The following CEBPZ variants were observed in gnomAD, a reference collection of about 807,000 sequenced individuals.
CEBPZ encodes the protein CCAAT enhancer binding protein zeta.
CEBPZ carries 78 observed loss-of-function variants against 104.5 expected under a neutral mutation model. The ratio of observed to expected loss-of-function variants is 0.75; its 90% CI spans 0.62 to 0.90. The LOEUF is 0.90. Among genes scored for constraint, CEBPZ ranks in the 40% least tolerant of loss-of-function variants. The pLI, the probability that CEBPZ is intolerant of heterozygous loss-of-function variation, is 0.00. For missense variants in CEBPZ, 1,439 were observed against 1,233.5 expected, an observed-to-expected ratio of 1.17 and a Z score of -2.50; for synonymous variants, 470 against 427.0, an observed-to-expected ratio of 1.10 and a Z score of -1.24.
intron 13 of CEBPZ, chr2:37,210,781 A>T (rs1677696185): frequency 2.2e-6 from 1 of 457,112 alleles, no homozygotes; most frequent in South Asian, 3.2e-5. Flanking sequence ...ATGATAACAA[A>T]TTTTTAAAAA....
At chr2:37,204,515 A>ATCTACCTGCCTTGGCC (rs1677459324) in intron 13 of CEBPZ, 1 of 152,024 alleles carries the variant, frequency 6.6e-6, no homozygotes, top group Non-Finnish European at 1.5e-5. Flanking sequence ...TGACCTTGTG[A>ATCTACCTGCCTTGGCC]TCTACCTGCC....
rs780629479 is a variant in CEBPZ, at chr2:37,228,757, C to T, written c.436G>A (p.Glu146Lys). 6.2e-6 allele frequency: 10 copies of T among 1,614,104 alleles called. No individual in the cohort carries two copies. Among genetic ancestry groups the T allele is most frequent in the Non-Finnish European group, 7.6e-6 (9 of 1,180,014 alleles). The change falls in exon 2 of 16, where the codon GAA (glutamate) becomes AAA (lysine). Residue 146 changes from glutamate to lysine, a missense_variant. Physicochemically the swap from Glu to Lys is moderately conservative, Grantham distance 56. Transcript: ENST00000234170. ...CTGCCATTCTCATCAGAATGTGGTT[C>T]TGGCCTATTCTTATTTTTCACCTTA... The part of the protein sequence containing the change: ...VNKVKNKNRP[E>K]PHSDENGSTT...
In CEBPZ at chr2:37,228,664, G is replaced by A; in HGVS notation, c.529C>T (p.Leu177Phe). Reference sequence around the variant, plus strand: ...TCATACCATTTGCCTCCAGGCCTAAGTAACAAAGTCTGTCTCTCAAAAAAT... The same window carrying A: ...TCATACCATTTGCCTCCAGGCCTAAATAACAAAGTCTGTCTCTCAAAAAAT... ...FEFFERQTLL[L>F]RPGGKWYDLE... The change falls in exon 2 of 16, where the codon CTT (leucine) becomes TTT (phenylalanine). Residue 177 changes from leucine (L) to phenylalanine (F), a missense_variant. Coordinates refer to ENST00000234170, the MANE Select transcript of CEBPZ (RefSeq NM_005760.3). 2.5e-6 allele frequency: 4 copies of A among 1,614,142 alleles called. No homozygotes were observed. The highest frequency in any genetic ancestry group is 2.5e-6 in the Non-Finnish European group (3 of 1,180,034).
chr2:37,227,854 G>T lies in CEBPZ; in HGVS notation c.1339C>A (p.Gln447Lys). The stretch of plus-strand genomic sequence containing the variant: ...CTTTCTTCATGGGACAGAGCCATTT[G>T]ATTTAAAAAGCAAATTGCATAATAT... Reference protein sequence around the residue: ...AQYYAICFLNQMALSHEESEL... With the variant: ...AQYYAICFLNKMALSHEESEL... The change falls in exon 2 of 16, where the codon CAA becomes AAA. Residue 447 changes from glutamine (Q) to lysine (K), a missense_variant. Coordinates refer to ENST00000234170, the MANE Select transcript of CEBPZ (RefSeq NM_005760.3). 6.2e-7 allele frequency: 1 copy of T among 1,614,058 alleles called. No homozygotes were observed. Among genetic ancestry groups the T allele is most frequent in the Non-Finnish European group, 8.5e-7 (1 of 1,180,032 alleles).
intron 13 of CEBPZ, 72 bp from the exon 14 acceptor site, chr2:37,203,080 A>T: frequency 9.7e-7 from 1 of 1,026,494 alleles, no homozygotes; most frequent in South Asian, 1.8e-5. Flanking sequence ...ATGCAACATG[A>T]TTTTATTTTA....
rs56340587 is a variant in CEBPZ at position 37,202,644 on chromosome 2, CAAAAAAAAAAAAAAAAAAAAAAAAAAA to C, written c.3025+113_3025+139del. The C allele has an allele frequency of 2.7e-3, 568 of 207,170 alleles. 2 individuals are homozygous for C. The highest frequency in any genetic ancestry group is 4.8e-3 in the South Asian group (109 of 22,772). The allele number at this position is 207,170 out of a possible 1,614,324, so 12.8% of individuals were successfully genotyped here. On this transcript the variant is annotated intron_variant, in intron 15 of 15. Transcript: ENST00000234170. ...TGGGCAAGGGAGTGAGACGCTGTCT[CAAAAAAAAAAAAAAAAAAAAAAAAAAA>C]AAAAAAAAAAAAAAAAAAAAAGAAT...
At chr2:37,229,077 A>G (rs1191736570) in intron 1 of CEBPZ, 41 bp from the exon 2 acceptor site, 31 of 1,378,010 alleles carry the variant, frequency 2.2e-5, no homozygotes, top group Non-Finnish European at 2.9e-5. Context: ...TACAAATGTG[A>G]AAAATAAAAC....
intron 13 of CEBPZ, 154 bp downstream of exon 13, chr2:37,210,844 GT>G (rs1677698158): frequency 2.0e-6 from 1 of 495,116 alleles, no homozygotes; most frequent in Non-Finnish European, 3.6e-6. Flanking sequence ...AATTCAAAAT[GT>G]GGAAAATAAT....
intron 2 of CEBPZ, among the ~76,000 whole-genome samples, chr2:37,223,961 G>C (rs1664825719): frequency 6.6e-6 from 1 of 152,170 alleles, no homozygotes; most frequent in Non-Finnish European, 1.5e-5. Context: ...TCACTGCCCA[G>C]AGTGCTTCTC....
Position 37,216,930 on chromosome 2 carries a change from C to G in CEBPZ, c.2208+54G>C, listed in dbSNP as rs1553350682. 5 of 1,404,468 alleles carry G rather than the reference C, an allele frequency of 3.6e-6. No homozygotes were observed. In the Admixed American group the frequency reaches 5.3e-5, roughly 15 times the overall value. 87.0% of individuals were successfully genotyped at this position (1,404,468 alleles called of 1,614,324 possible). ...CACTGTATGACCAATTATTGATTAT[C>G]TAAAATGATACTTTTTTTCTTATTT... On this transcript the variant is annotated intron_variant, in intron 6 of 15. Coordinates refer to ENST00000234170, the MANE Select transcript of CEBPZ (RefSeq NM_005760.3).
chr2:37,225,095 C>A (rs891823631), intron 2 of CEBPZ, among the ~76,000 whole-genome samples: 5 of 152,056 alleles, frequency 3.3e-5, no homozygotes, highest in African/African-American at 1.2e-4. Context: ...ACTCAAGATC[C>A]CGAAACCTCT....
chr2:37,202,032 A>C, intron 15 of CEBPZ, 129 bp from the exon 16 acceptor site: 5 of 615,134 alleles, frequency 8.1e-6, no homozygotes, highest in South Asian at 3.6e-5. Flanking sequence ...CACTATACAA[A>C]CCCACTGCTT....
At chr2:37,227,492 T>G in intron 2 of CEBPZ, 52 bp downstream of exon 2, 4 of 1,532,650 alleles carry the variant, frequency 2.6e-6, no homozygotes, top group Non-Finnish European at 3.5e-6. Context: ...GCTTGTGCTG[T>G]ACTACATCAA....
Position 37,216,460 on chromosome 2 carries a change from T to C in CEBPZ, c.2209-42A>G. On this transcript the variant is annotated intron_variant, in intron 6 of 15. Coordinates refer to ENST00000234170, the MANE Select transcript of CEBPZ (RefSeq NM_005760.3). ...GGATTTAAAAACTTAATTCAAATTATGTCTATGAATCCAAGTAAGAAAAAG... is the reference window on the plus strand; with the variant it reads ...GGATTTAAAAACTTAATTCAAATTACGTCTATGAATCCAAGTAAGAAAAAG... 3 of 1,356,816 alleles carry C rather than the reference T, an allele frequency of 2.2e-6. No homozygotes were observed. The South Asian group carries it at 3.6e-5, about 16-fold the overall frequency. The allele number at this position is 1,356,816 out of a possible 1,614,324, so 84.0% of individuals were successfully genotyped here.
chr2:37,207,653 C>T (rs544281074), intron 13 of CEBPZ, among the ~76,000 whole-genome samples: 1 of 152,244 alleles, frequency 6.6e-6, no homozygotes, highest in East Asian at 1.9e-4. Context: ...GCAAAAGCGG[C>T]ACTACATTTA....
chr2:37,213,968 T>C lies in CEBPZ; in HGVS notation c.2448-7A>G. On this transcript the variant is annotated splice_region_variant and splice_polypyrimidine_tract_variant and intron_variant, in intron 9 of 15. Transcript: ENST00000234170. ...AGCAACTTTTTTATAATACCTATAA[T>C]ATTCATGTTATATATTTGACAATTT... The C allele has an allele frequency of 1.4e-6, 2 of 1,408,106 alleles. No individual in the cohort carries two copies. The highest frequency in any genetic ancestry group is 2.5e-5 in the East Asian group (1 of 39,962). 87.2% of individuals were successfully genotyped at this position (1,408,106 alleles called of 1,614,324 possible).
At chr2:37,220,352 A>T in intron 5 of CEBPZ, 33 bp downstream of exon 5, 1 of 1,022,950 alleles carries the variant, frequency 9.8e-7, no homozygotes. Flanking sequence ...TATATAGCAT[A>T]AATGAATAAA....
chr2:37,228,367 T>C lies in CEBPZ; in HGVS notation c.826A>G (p.Lys276Glu). The part of the protein sequence containing the change: ...VETLVNLVKK[K>E]GSKQQCLMAL... ...ATAAGGCACTGCTGTTTGCTGCCCTTCTTTTTAACAAGGTTCACAAGAGTT... is the reference window on the plus strand; with the variant it reads ...ATAAGGCACTGCTGTTTGCTGCCCTCCTTTTTAACAAGGTTCACAAGAGTT... The change falls in exon 2 of 16, where the codon AAG becomes GAG. Residue 276 changes from lysine (K) to glutamate (E), a missense_variant. Lys to Glu is a moderately conservative substitution (Grantham distance 56). Transcript: ENST00000234170. 1 of 1,614,192 alleles carries C rather than the reference T, an allele frequency of 6.2e-7. No homozygotes were observed. The highest frequency in any genetic ancestry group is 8.5e-7 in the Non-Finnish European group (1 of 1,180,036).
intron 13 of CEBPZ, among the ~76,000 whole-genome samples, chr2:37,207,373 G>A (rs1378912534): frequency 6.6e-6 from 1 of 152,100 alleles, no homozygotes; most frequent in Non-Finnish European, 1.5e-5. Context: ...AGCACACGGA[G>A]CATTCTCAAG....
Sources: allele counts gnomAD v4.1 joint callset (sites outside exome capture counted in the v4.1 genomes callset), GRCh38; gene constraint gnomAD v4.1.1; transcripts MANE v1.5; gene names NCBI Gene and HGNC (gene_info 2026-07-23, HGNC 2026-07-21).